The following DAB1 variants were observed in gnomAD, a reference collection of about 807,000 sequenced individuals.
The protein encoded by DAB1 is DAB adaptor protein 1.
Under a neutral mutation model 64.6 loss-of-function variants are expected in DAB1, and 15 were observed. The ratio of observed to expected loss-of-function variants is 0.23; its 90% CI spans 0.16 to 0.36. The LOEUF (loss-of-function observed/expected upper bound fraction) is 0.36, where lower values mean the gene tolerates loss of function less well. Ranked by LOEUF, DAB1 falls within the 10% of genes least tolerant of loss-of-function variation. The probability of loss-of-function intolerance (pLI) is 1.00; values close to 1 mark genes in which losing one functional copy is unlikely to be tolerated. For missense variants in DAB1, 596 were observed against 706.7 expected, an observed-to-expected ratio of 0.84 and a Z score of 1.78; for synonymous variants, 235 against 251.9, an observed-to-expected ratio of 0.93 and a Z score of 0.64.
At chr1:57,486,058 C>T (rs1261961537) in intron 7 of DAB1, among the ~76,000 whole-genome samples, 1 of 152,168 alleles carries the variant, frequency 6.6e-6, no homozygotes, top group Non-Finnish European at 1.5e-5. Context: ...CTTTTACTCT[C>T]CAAACACTTG....
intron 1 of DAB1, among the ~76,000 whole-genome samples, chr1:57,371,914 C>T (rs568552999): frequency 2.0e-5 from 3 of 152,256 alleles, no homozygotes; most frequent in Admixed American, 1.3e-4. Context: ...TACTAAACAT[C>T]CTACAATGCA....
At chr1:57,598,726 G>A (rs572402212) in intron 7 of DAB1, among the ~76,000 whole-genome samples, 5 of 152,208 alleles carry the variant, frequency 3.3e-5, no homozygotes, top group Non-Finnish European at 5.9e-5. Context: ...GAAAGCTTCC[G>A]AGAGACAGTC....
intron 1 of DAB1, among the ~76,000 whole-genome samples, chr1:57,421,917 C>CGGGGG (rs200226853): frequency 1.5e-4 from 1 of 6,816 alleles, no homozygotes; most frequent in African/African-American, 3.7e-4. Flanking sequence ...GGGGGGGTGG[C>CGGGGG]GGGGGGGGGT....
intron 7 of DAB1, among the ~76,000 whole-genome samples, chr1:57,508,372 T>C (rs1020404424): frequency 1.3e-5 from 2 of 152,230 alleles, no homozygotes; most frequent in African/African-American, 4.8e-5. Flanking sequence ...CTAAAAAGTA[T>C]CTGTTGAATC....
intron 6 of DAB1, among the ~76,000 whole-genome samples, chr1:57,755,760 C>T (rs1648774908): frequency 1.3e-5 from 2 of 152,138 alleles, no homozygotes; most frequent in Non-Finnish European, 1.5e-5. Flanking sequence ...AGCCCAAAGA[C>T]TCTCTAAATC....
chr1:58,347,348 T>C (rs936576221), intron 3 of DAB1, among the ~76,000 whole-genome samples: 3 of 152,160 alleles, frequency 2.0e-5, no homozygotes, highest in Admixed American at 6.5e-5. Flanking sequence ...CCTCAGGCGA[T>C]TCACCCGCCT....
At chr1:57,316,155 A>C (rs531337069) in intron 1 of DAB1, among the ~76,000 whole-genome samples, 86 of 152,344 alleles carry the variant, frequency 5.6e-4, no homozygotes, top group African/African-American at 1.9e-3. Context: ...GGCTCTGACT[A>C]TCGCAAAAGA....
At chr1:57,332,279 A>G (rs1676736168) in intron 1 of DAB1, among the ~76,000 whole-genome samples, 1 of 152,134 alleles carries the variant, frequency 6.6e-6, no homozygotes, top group South Asian at 2.1e-4. Context: ...TCTTTTTTAT[A>G]TAATAAAAAT....
chr1:57,085,776 G>A (rs1170876271), intron 4 of DAB1, among the ~76,000 whole-genome samples: 1 of 152,124 alleles, frequency 6.6e-6, no homozygotes, highest in East Asian at 1.9e-4. Context: ...CACACTGTAT[G>A]ACACTTGGGG....
chr1:57,342,450 A>T (rs529184834), intron 1 of DAB1, among the ~76,000 whole-genome samples: 6 of 152,336 alleles, frequency 3.9e-5, no homozygotes, highest in Admixed American at 2.6e-4. Context: ...GCACTTGGCA[A>T]ATAGTGGATG....
chr1:57,784,350 C>T (rs778245375), intron 6 of DAB1, among the ~76,000 whole-genome samples: 10 of 152,134 alleles, frequency 6.6e-5, no homozygotes, highest in Middle Eastern at 3.4e-3. Context: ...CTCGAGATCG[C>T]GCCACTGCAC....
chr1:57,071,307 T>C, intron 6 of DAB1: 1 of 681,506 alleles, frequency 1.5e-6, no homozygotes, highest in Non-Finnish European at 2.4e-6. Flanking sequence ...AATCTTTCTC[T>C]GGATTCGAGA....
In DAB1 at chr1:57,448,426, G is replaced by A. The variant is rs1686229095; in HGVS notation, n.626-157260C>T. On this transcript the variant is annotated intron_variant and non_coding_transcript_variant, in intron 7 of 20. Transcript: ENST00000485760. ...CAACACAAACTACTCTTCCCTACTA[G>A]GCAATAATCTAGTTAGATGGAAAAA... Among the ~76,000 whole-genome samples, 3 of 152,030 alleles carry A rather than the reference G, an allele frequency of 2.0e-5. No individual in the cohort carries two copies. The South Asian group carries it at 6.2e-4, about 31-fold the overall frequency.
At chr1:58,163,013 C>T (rs1413269020) in intron 4 of DAB1, among the ~76,000 whole-genome samples, 3 of 152,120 alleles carry the variant, frequency 2.0e-5, no homozygotes, top group Non-Finnish European at 1.5e-5. Flanking sequence ...CTACAACACA[C>T]GAGACACCAT....
At chr1:58,091,819 A>G (rs1470555435) in intron 5 of DAB1, among the ~76,000 whole-genome samples, 2 of 151,936 alleles carry the variant, frequency 1.3e-5, no homozygotes, top group African/African-American at 4.8e-5. Flanking sequence ...CTCAAAACTA[A>G]TTACTCCTCT....
chr1:57,975,004 T>A (rs1645886234), intron 5 of DAB1, among the ~76,000 whole-genome samples: 1 of 152,148 alleles, frequency 6.6e-6, no homozygotes, highest in Non-Finnish European at 1.5e-5. Context: ...ATGGACTGAA[T>A]GTTTGTATTC....
intron 1 of DAB1, among the ~76,000 whole-genome samples, chr1:57,873,549 C>A (rs1188886006): frequency 6.6e-6 from 1 of 152,166 alleles, no homozygotes; most frequent in African/African-American, 2.4e-5. Context: ...TAGATGGGTA[C>A]AATTTAGCCT....
upstream of DAB1, among the ~76,000 whole-genome samples, chr1:57,886,557 C>G (rs539643924): frequency 6.6e-6 from 1 of 152,236 alleles, no homozygotes; most frequent in Admixed American, 6.5e-5. Context: ...TACTTCATAT[C>G]TCATTTAACA....
At chr1:57,414,706 G>A (rs1186679740) in intron 1 of DAB1, among the ~76,000 whole-genome samples, 2 of 152,076 alleles carry the variant, frequency 1.3e-5, no homozygotes, top group African/African-American at 2.4e-5. Context: ...GGTAGCATAT[G>A]ATGAAAATTA....
Sources: allele counts gnomAD v4.1 joint callset (sites outside exome capture counted in the v4.1 genomes callset), GRCh38; gene constraint gnomAD v4.1.1; transcripts MANE v1.5; gene names NCBI Gene and HGNC (gene_info 2026-07-23, HGNC 2026-07-21).